The following UGT2A3 variants were observed in gnomAD, a reference collection of about 807,000 sequenced individuals.
UGT2A3 encodes the protein UDP glucuronosyltransferase family 2 member A3, also known as UDP-glucuronosyltransferase 2A3.
Under a neutral mutation model 44.1 loss-of-function variants are expected in UGT2A3, and 55 were observed. That is an observed-to-expected ratio of 1.25 (90% CI 1.00 to 1.56). The LOEUF (loss-of-function observed/expected upper bound fraction) is 1.56, where lower values mean the gene tolerates loss of function less well. Among genes scored for constraint, UGT2A3 ranks in the 40% most tolerant of loss-of-function variants. The probability of loss-of-function intolerance (pLI) is 0.00; values close to 1 mark genes in which losing one functional copy is unlikely to be tolerated. For missense variants in UGT2A3, 733 were observed against 621.6 expected (o/e 1.18, Z -1.91); for synonymous variants, 243 against 215.1 (o/e 1.13, Z -1.13).
In UGT2A3 at chr4:68,929,731, A is replaced by G. The variant is rs1267500223; in HGVS notation, c.*82T>C. 3 of 1,272,338 alleles carry G rather than the reference A, an allele frequency of 2.4e-6. No homozygotes were observed. Among genetic ancestry groups the G allele is most frequent in the Non-Finnish European group, 3.3e-6 (3 of 917,162 alleles). The allele number at this position is 1,272,338 out of a possible 1,614,324, so 78.8% of individuals were successfully genotyped here. On this transcript the variant is annotated 3_prime_UTR_variant, in exon 6 of 6. Coordinates refer to ENST00000251566, the MANE Select transcript of UGT2A3 (RefSeq NM_024743.4). ...TAAAATAACAGAATAGATAATATGA[A>G]AATAGCAAGGTTTTCACCAAATTCT...
intron 4 of UGT2A3, among the ~76,000 whole-genome samples, 157 bp downstream of exon 4, chr4:68,930,998 C>T (rs1282760313): frequency 6.6e-6 from 1 of 152,048 alleles, no homozygotes; most frequent in African/African-American, 2.4e-5. Flanking sequence ...AAGTGTGAAT[C>T]TATACAATTT....
chr4:68,951,723 A>G lies in UGT2A3; in HGVS notation c.38T>C (p.Leu13Pro). 6.2e-7 allele frequency: 1 copy of G among 1,604,788 alleles called. No homozygotes were observed. The highest frequency in any genetic ancestry group is 1.7e-4 in the Middle Eastern group (1 of 5,988). Residue 13 changes from leucine to proline, a missense_variant, in exon 1 of 6, where the codon CTG becomes CCG. Coordinates refer to ENST00000251566, the MANE Select transcript of UGT2A3 (RefSeq NM_024743.4). Reference protein sequence around the residue: ...SDKSALVFLLLQLFCVGCGFC... With the variant: ...SDKSALVFLLPQLFCVGCGFC... ...TCCACAGCCAACACAGAAGAGCTGC[A>G]GGAGCAGAAATACCAAAGCTGACTT...
rs895142747 is a variant in UGT2A3 at position 68,929,008 on chromosome 4, G to A, written c.*805C>T. ...ATAAACATATAAATCTTCTTTAAGT[G>A]TACTATCAAATAAATTTTATAAACT... is the stretch of plus-strand genomic sequence containing the variant. On this transcript the variant is annotated 3_prime_UTR_variant, in exon 6 of 6. Coordinates refer to ENST00000251566, the MANE Select transcript of UGT2A3 (RefSeq NM_024743.4). The A allele has an allele frequency of 1.4e-4, 22 of 151,912 alleles. 1 individual carries two copies. Among genetic ancestry groups the A allele is most frequent in the African/African-American group, 5.3e-4 (22 of 41,374 alleles). 9.4% of individuals were successfully genotyped at this position (151,912 alleles called of 1,614,324 possible).
chr4:68,930,111 C>G lies in UGT2A3; in HGVS notation c.1305-19G>C. On this transcript the variant is annotated intron_variant, in intron 5 of 5. Coordinates refer to ENST00000251566, the MANE Select transcript of UGT2A3 (RefSeq NM_024743.4). ...TTTATAACTGGAAGGGAAAAACACA[C>G]ATAGAACTTAGAAAGTTGTAGTTTT... 6.3e-7 allele frequency: 1 copy of G among 1,586,114 alleles called. No individual in the cohort carries two copies. Among genetic ancestry groups the G allele is most frequent in the Non-Finnish European group, 8.6e-7 (1 of 1,165,836 alleles).
intron 2 of UGT2A3, among the ~76,000 whole-genome samples, chr4:68,941,610 C>T (rs1718188690): frequency 6.6e-6 from 1 of 151,858 alleles, no homozygotes; most frequent in African/African-American, 2.4e-5. Flanking sequence ...TTCAGAAGCA[C>T]AGCCAACAAA....
chr4:68,945,253 G>A, intron 2 of UGT2A3, 53 bp downstream of exon 2: 1 of 1,595,450 alleles, frequency 6.3e-7, no homozygotes, highest in East Asian at 2.3e-5. Flanking sequence ...TCTTTCAAGG[G>A]AAAACAAGTC....
intron 1 of UGT2A3, among the ~76,000 whole-genome samples, chr4:68,946,844 T>C (rs748993164): frequency 1.1e-4 from 16 of 151,710 alleles, no homozygotes; most frequent in Non-Finnish European, 1.6e-4. Context: ...CCAGGACATA[T>C]AAAAGTTATG....
At chr4:68,948,410 G>A (rs1168000188) in intron 1 of UGT2A3, among the ~76,000 whole-genome samples, 1 of 144,194 alleles carries the variant, frequency 6.9e-6, no homozygotes, top group Non-Finnish European at 1.5e-5. Flanking sequence ...TGTTGTGGTT[G>A]GTTTAATTTT....
At chr4:68,932,276 CTT>C (rs199666620) in intron 3 of UGT2A3, among the ~76,000 whole-genome samples, 3 of 143,918 alleles carry the variant, frequency 2.1e-5, no homozygotes, top group South Asian at 2.2e-4. Context: ...ATTGATTCTT[CTT>C]TTTTTTTTTA....
Position 68,948,076 on chromosome 4 carries a change from C to T in UGT2A3, c.716-2622G>A, listed in dbSNP as rs549404637. Among the ~76,000 whole-genome samples the T allele has an allele frequency of 3.3e-5, 5 of 151,946 alleles. No homozygotes were observed. In the East Asian group the frequency reaches 9.8e-4, roughly 30 times the overall value. ...TGTTTTTTGTAGCTTCAAAGACAAG[C>T]ATTGACTTCTCTTCTCTAGCTATGA... On this transcript the variant is annotated intron_variant, in intron 1 of 5. Transcript: ENST00000251566.
intron 2 of UGT2A3, among the ~76,000 whole-genome samples, chr4:68,935,276 GTATATATATATATATA>G (rs57286694): frequency 0.077 from 4,664 of 60,216 alleles, 401 homozygotes; most frequent in African/African-American, 0.2. Context: ...ATGTATGTAT[GTATATATATATATATA>G]TATATATATA....
At chr4:68,942,929 T>G (rs977795553) in intron 2 of UGT2A3, among the ~76,000 whole-genome samples, 1 of 151,822 alleles carries the variant, frequency 6.6e-6, no homozygotes, top group African/African-American at 2.4e-5. Flanking sequence ...CACAAAGAAA[T>G]GATAAATATT....
chr4:68,938,075 A>G (rs1718023677), intron 2 of UGT2A3, among the ~76,000 whole-genome samples: 1 of 147,766 alleles, frequency 6.8e-6, no homozygotes, highest in Admixed American at 7.1e-5. Flanking sequence ...TATCCTACAA[A>G]CCAAAAAAAG....
At chr4:68,937,880 T>A (rs1718014683) in intron 2 of UGT2A3, among the ~76,000 whole-genome samples, 1 of 151,980 alleles carries the variant, frequency 6.6e-6, no homozygotes, top group Non-Finnish European at 1.5e-5. Flanking sequence ...AAAGAGGATA[T>A]CACCACTGTT....
chr4:68,949,890 C>G (rs1454309452), intron 1 of UGT2A3, among the ~76,000 whole-genome samples: 4 of 151,846 alleles, frequency 2.6e-5, no homozygotes, highest in Non-Finnish European at 5.9e-5. Flanking sequence ...TCTTATATAT[C>G]AAGCTGCTCC....
At chr4:68,944,112 G>A (rs754879336) in intron 2 of UGT2A3, among the ~76,000 whole-genome samples, 1 of 151,736 alleles carries the variant, frequency 6.6e-6, no homozygotes, top group Non-Finnish European at 1.5e-5. Context: ...TATTTTATGT[G>A]TTTGGTTAAG....
chr4:68,941,522 A>G (rs1204532948), intron 2 of UGT2A3, among the ~76,000 whole-genome samples: 1 of 151,962 alleles, frequency 6.6e-6, no homozygotes, highest in Non-Finnish European at 1.5e-5. Flanking sequence ...AAGGCCAAAC[A>G]TTATACAACT....
chr4:68,949,872 A>T (rs1326037686), intron 1 of UGT2A3, among the ~76,000 whole-genome samples: 1 of 151,894 alleles, frequency 6.6e-6, no homozygotes, highest in Non-Finnish European at 1.5e-5. Flanking sequence ...ATAGTTATTA[A>T]ATGAATTTCT....
chr4:68,945,594 G>A, intron 1 of UGT2A3, 140 bp from the exon 2 acceptor site: 1 of 448,638 alleles, frequency 2.2e-6, no homozygotes, highest in Non-Finnish European at 3.8e-6. Flanking sequence ...AAATGGAAGG[G>A]GGAATTAATG....
Sources: allele counts gnomAD v4.1 joint callset (sites outside exome capture counted in the v4.1 genomes callset), GRCh38; gene constraint gnomAD v4.1.1; transcripts MANE v1.5; gene names NCBI Gene and HGNC (gene_info 2026-07-23, HGNC 2026-07-21).